Variants in CALD1 observed in about 807,000 individuals in gnomAD.
CALD1 encodes the protein caldesmon.
In CALD1, 33 loss-of-function variants were observed where a neutral mutation model predicts 99.9. The ratio of observed to expected loss-of-function variants is 0.33; its 90% CI spans 0.25 to 0.44. The LOEUF is 0.44. Ranked by LOEUF, CALD1 falls within the 20% of genes least tolerant of loss-of-function variation. The probability of loss-of-function intolerance (pLI) is 1.00; values close to 1 mark genes in which losing one functional copy is unlikely to be tolerated. For missense variants in CALD1, 861 were observed against 962.1 expected (o/e 0.89, Z 1.39); for synonymous variants, 310 against 325.0 (o/e 0.95, Z 0.50).
chr7:134,871,152 C>T (rs1801054885), intron 3 of CALD1, among the ~76,000 whole-genome samples: 1 of 151,964 alleles, frequency 6.6e-6, no homozygotes, highest in Non-Finnish European at 1.5e-5. Flanking sequence ...ATTTTTTTCT[C>T]GCTTTTGGTA....
intron 1 of CALD1, among the ~76,000 whole-genome samples, chr7:134,748,636 G>A (rs905236631): frequency 1.3e-5 from 2 of 152,072 alleles, no homozygotes; most frequent in Admixed American, 6.5e-5. Flanking sequence ...GCTTGAACCT[G>A]GAAGGCAGAG....
chr7:134,774,781 T>C (rs1796904011), upstream of CALD1, among the ~76,000 whole-genome samples: 1 of 152,236 alleles, frequency 6.6e-6, no homozygotes. Context: ...CAGCCATCTG[T>C]CCATTTTCCA....
the CALD1 span, among the ~76,000 whole-genome samples, chr7:134,712,188 C>T: frequency 2.6e-5 from 4 of 152,156 alleles, no homozygotes; most frequent in Non-Finnish European, 1.5e-5. Flanking sequence ...TCGTTTTCAG[C>T]ATACTCTAAA....
At chr7:134,897,386 A>T (rs1802651724) in intron 3 of CALD1, among the ~76,000 whole-genome samples, 1 of 147,434 alleles carries the variant, frequency 6.8e-6, no homozygotes, top group African/African-American at 2.5e-5. Flanking sequence ...ATATATATAT[A>T]TAAATATATA....
At chr7:134,733,681 C>T in the CALD1 span, among the ~76,000 whole-genome samples, 13 of 151,778 alleles carry the variant, frequency 8.6e-5, no homozygotes, top group Non-Finnish European at 1.8e-4. Flanking sequence ...TGGTGGTGGG[C>T]ACCTGTAGTC....
the CALD1 span, among the ~76,000 whole-genome samples, chr7:134,728,433 CAT>C: frequency 6.6e-6 from 1 of 152,184 alleles, no homozygotes; most frequent in Non-Finnish European, 1.5e-5. Context: ...CTTATCTGAA[CAT>C]AGTTTGGACA....
intron 1 of CALD1, among the ~76,000 whole-genome samples, chr7:134,815,966 G>T (rs1264985526): frequency 6.6e-6 from 1 of 152,024 alleles, no homozygotes; most frequent in Non-Finnish European, 1.5e-5. Context: ...AATAGCAATT[G>T]TGATAACCAG....
chr7:134,934,408 G>C (rs1440430678), intron 5 of CALD1, among the ~76,000 whole-genome samples: 3 of 152,142 alleles, frequency 2.0e-5, no homozygotes, highest in Non-Finnish European at 4.4e-5. Context: ...GTTGGCTTCT[G>C]ATTCTGTGCT....
chr7:134,795,136 T>C (rs1015248624), intron 1 of CALD1, among the ~76,000 whole-genome samples: 2 of 152,186 alleles, frequency 1.3e-5, no homozygotes, highest in Non-Finnish European at 2.9e-5. Context: ...CAATTTTCTT[T>C]CTCTTTTTTT....
chr7:134,771,407 A>G (rs1796877026), intron 1 of CALD1, among the ~76,000 whole-genome samples: 1 of 151,690 alleles, frequency 6.6e-6, no homozygotes, highest in Non-Finnish European at 1.5e-5. Context: ...TCCATTATTC[A>G]GACCATAACA....
chr7:134,781,865 G>T (rs955402357), intron 1 of CALD1, among the ~76,000 whole-genome samples: 1 of 152,186 alleles, frequency 6.6e-6, no homozygotes, highest in Non-Finnish European at 1.5e-5. Flanking sequence ...CAGTTTAAAG[G>T]ATTTTAAATG....
At chr7:134,808,227 A>G (rs1335437766) in intron 1 of CALD1, among the ~76,000 whole-genome samples, 1 of 151,286 alleles carries the variant, frequency 6.6e-6, no homozygotes, top group Admixed American at 6.6e-5. Context: ...CAGCTTCCCG[A>G]GTAGCTGGGG....
At chr7:134,808,267 A>ATT (rs35027860) in intron 1 of CALD1, among the ~76,000 whole-genome samples, 15 of 149,298 alleles carry the variant, frequency 1.0e-4, no homozygotes, top group East Asian at 4.0e-4. Flanking sequence ...TGCTGGGCTA[A>ATT]TTTTTTTTTT....
At chr7:134,776,915 C>T (rs1029312354), upstream of CALD1, among the ~76,000 whole-genome samples, 3 of 152,198 alleles carry the variant, frequency 2.0e-5, no homozygotes, top group Admixed American at 6.5e-5. Context: ...TATAAAGAAT[C>T]GTCCAGATAT....
At chr7:134,856,032 C>T (rs1158336732) in intron 2 of CALD1, among the ~76,000 whole-genome samples, 5 of 152,306 alleles carry the variant, frequency 3.3e-5, no homozygotes, top group African/African-American at 1.2e-4. Flanking sequence ...GGTTTTTCAG[C>T]AAGAGTGTGA....
chr7:134,758,699 G>C (rs1043255562), intron 1 of CALD1, among the ~76,000 whole-genome samples: 3 of 151,716 alleles, frequency 2.0e-5, no homozygotes, highest in African/African-American at 7.3e-5. Flanking sequence ...TATTTTTTAA[G>C]TAACATTTAC....
chr7:134,928,106 A>AT, intron 3 of CALD1: 2 of 320,268 alleles, frequency 6.2e-6, no homozygotes, highest in Non-Finnish European at 1.3e-5. Context: ...CATTTTGTTT[A>AT]TTTTTGGTTC....
intron 3 of CALD1, among the ~76,000 whole-genome samples, chr7:134,906,105 T>C (rs949855523): frequency 3.3e-5 from 5 of 151,492 alleles, no homozygotes; most frequent in Non-Finnish European, 5.9e-5. Flanking sequence ...AATTTTTGTA[T>C]TGTTAGTAGA....
At chr7:134,930,476 C>G (rs1314219465) in intron 4 of CALD1, among the ~76,000 whole-genome samples, 1 of 152,100 alleles carries the variant, frequency 6.6e-6, no homozygotes, top group Non-Finnish European at 1.5e-5. Context: ...TTAGAAAATT[C>G]TAAAGGGAAT....
Sources: allele counts gnomAD v4.1 joint callset (sites outside exome capture counted in the v4.1 genomes callset), GRCh38; gene constraint gnomAD v4.1.1; transcripts MANE v1.5; gene names NCBI Gene and HGNC (gene_info 2026-07-23, HGNC 2026-07-21).